Variants in SLMAP observed in about 807,000 individuals in gnomAD.
SLMAP encodes the protein sarcolemmal membrane-associated protein.
Under a neutral mutation model 128.8 loss-of-function variants are expected in SLMAP, and 44 were observed. The ratio of observed to expected loss-of-function variants is 0.34; its 90% CI spans 0.27 to 0.44. The LOEUF (loss-of-function observed/expected upper bound fraction) is 0.44. SLMAP is among the 20% of genes least tolerant of loss of function. The pLI, the probability that SLMAP is intolerant of heterozygous loss-of-function variation, is 1.00. For missense variants in SLMAP, 787 were observed against 985.3 expected, an observed-to-expected ratio of 0.80 and a Z score of 2.69; for synonymous variants, 327 against 348.8, an observed-to-expected ratio of 0.94 and a Z score of 0.70.
chr3:57,791,583 A>T (rs2085467823), intron 2 of SLMAP, among the ~76,000 whole-genome samples: 1 of 152,166 alleles, frequency 6.6e-6, no homozygotes, highest in Non-Finnish European at 1.5e-5. Flanking sequence ...GGGGAAAAAA[A>T]AGTTAAGGTA....
intron 2 of SLMAP, among the ~76,000 whole-genome samples, chr3:57,821,926 C>T (rs1246467973): frequency 4.0e-5 from 6 of 151,744 alleles, no homozygotes; most frequent in Non-Finnish European, 7.4e-5. Context: ...TCCTCCTCCT[C>T]CTCCTCCTCC....
At chr3:57,846,501 A>G (rs1345556118) in intron 4 of SLMAP, among the ~76,000 whole-genome samples, 1 of 151,954 alleles carries the variant, frequency 6.6e-6, no homozygotes, top group Non-Finnish European at 1.5e-5. Context: ...CTGTATAGGA[A>G]TGTTTAATTT....
At chr3:57,762,238 T>C (rs1054722455) in intron 2 of SLMAP, among the ~76,000 whole-genome samples, 1 of 147,368 alleles carries the variant, frequency 6.8e-6, no homozygotes, top group African/African-American at 2.5e-5. Flanking sequence ...CATGGTGGCA[T>C]GTGCCTGCAA....
chr3:57,771,776 T>C (rs1433701473), intron 2 of SLMAP, among the ~76,000 whole-genome samples: 1 of 152,232 alleles, frequency 6.6e-6, no homozygotes, highest in Non-Finnish European at 1.5e-5. Context: ...AAGTAAATTC[T>C]TTTTTGAATG....
chr3:57,892,185 C>A (rs996921345), intron 15 of SLMAP, among the ~76,000 whole-genome samples: 1 of 152,088 alleles, frequency 6.6e-6, no homozygotes, highest in Non-Finnish European at 1.5e-5. Context: ...CATTTTAAAT[C>A]GAGCTATAAA....
chr3:57,855,100 A>G (rs550912819), intron 6 of SLMAP, among the ~76,000 whole-genome samples: 4 of 152,186 alleles, frequency 2.6e-5, no homozygotes, highest in East Asian at 1.9e-4. Flanking sequence ...TATAAAAGAT[A>G]GAAAAAGGCT....
At chr3:57,849,216 A>C (rs1360989786) in intron 5 of SLMAP, among the ~76,000 whole-genome samples, 1 of 152,092 alleles carries the variant, frequency 6.6e-6, no homozygotes, top group East Asian at 1.9e-4. Context: ...CTTTTTAATA[A>C]TGCCATGGTT....
At chr3:57,761,029 GT>G (rs755810231) in intron 2 of SLMAP, among the ~76,000 whole-genome samples, 304 of 139,584 alleles carry the variant, frequency 2.2e-3, no homozygotes, top group Non-Finnish European at 2.3e-3. Flanking sequence ...GCCCGGCCAG[GT>G]TTTTTTTTTT....
rs2095090926 is a variant in SLMAP, at chr3:57,862,015, G to A, written c.895G>A (p.Glu299Lys). The A allele has an allele frequency of 6.2e-7, 1 of 1,601,050 alleles. No individual in the cohort carries two copies. Among genetic ancestry groups the A allele is most frequent in the Non-Finnish European group, 8.6e-7 (1 of 1,168,198 alleles). ...AGAAATGAATGAAAGGACTCAGGAAGAATTAAGAGAATTAGCCAACAAATA... is the reference window on the plus strand; with the variant it reads ...AGAAATGAATGAAAGGACTCAGGAAAAATTAAGAGAATTAGCCAACAAATA... ...LKEMNERTQEELRELANKYNG... is the reference protein window; with the variant it reads ...LKEMNERTQEKLRELANKYNG... The change falls in exon 10 of 25, where the codon GAA becomes AAA. Residue 299 changes from glutamate (E) to lysine (K), a missense_variant. Physicochemically the swap from Glu to Lys is moderately conservative, Grantham distance 56 (BLOSUM62 1). Transcript: ENST00000671191.
intron 21 of SLMAP, among the ~76,000 whole-genome samples, chr3:57,916,549 T>C (rs1212237976): frequency 6.6e-6 from 1 of 152,218 alleles, no homozygotes; most frequent in African/African-American, 2.4e-5. Flanking sequence ...TATTTAAACT[T>C]AAAAGAAATT....
In SLMAP at chr3:57,888,905, G is replaced by GT. The variant is rs373855606; in HGVS notation, c.1301-1127dup. Among the ~76,000 whole-genome samples the GT allele has an allele frequency of 2.0e-3, 297 of 149,338 alleles. 3 individuals are homozygous for GT. In the South Asian group the frequency reaches 0.021, roughly 10 times the overall value. Reference sequence around the variant, plus strand: ...TTTCTGTTTTTTTTTCTTTTTTTCTGTTTTTTTTTGAGATGGAATCTCGCT... The same window carrying GT: ...TTTCTGTTTTTTTTTCTTTTTTTCTGTTTTTTTTTTGAGATGGAATCTCGCT... On this transcript the variant is annotated intron_variant, in intron 14 of 24. Transcript: ENST00000671191.
Position 57,789,940 on chromosome 3 carries a change from G to A in SLMAP, c.198+32091G>A, listed in dbSNP as rs888491876. Among the ~76,000 whole-genome samples the A allele has an allele frequency of 3.7e-4, 57 of 152,172 alleles. 1 individual carries two copies. The highest frequency in any genetic ancestry group is 6.2e-4 in the South Asian group (3 of 4,814). On this transcript the variant is annotated intron_variant, in intron 2 of 24. Transcript: ENST00000671191. The stretch of plus-strand genomic sequence containing the variant: ...CAACCTCCGCCTCCTGGGTTCAAGC[G>A]ATTCTCCTGCCTCAGCCTCCCAAGT...
chr3:57,812,206 T>A (rs2091101807), intron 2 of SLMAP, among the ~76,000 whole-genome samples: 1 of 152,188 alleles, frequency 6.6e-6, no homozygotes, highest in Non-Finnish European at 1.5e-5. Flanking sequence ...TACTTTCAGG[T>A]CTTACATTTA....
At chr3:57,880,906 T>G (rs2095720316) in intron 14 of SLMAP, among the ~76,000 whole-genome samples, 1 of 151,766 alleles carries the variant, frequency 6.6e-6, no homozygotes, top group African/African-American at 2.4e-5. Context: ...AAAAAGAGTT[T>G]TAGGGCTGGG....
intron 19 of SLMAP, 52 bp from the exon 20 acceptor site, chr3:57,912,329 G>A: frequency 6.7e-7 from 1 of 1,502,006 alleles, no homozygotes; most frequent in Non-Finnish European, 9.2e-7. Flanking sequence ...ATCCTGTATG[G>A]ATTATTCTTT....
intron 21 of SLMAP, among the ~76,000 whole-genome samples, chr3:57,913,939 C>G (rs2096754319): frequency 6.6e-6 from 1 of 150,818 alleles, no homozygotes; most frequent in South Asian, 2.1e-4. Context: ...ACCTGGGTGA[C>G]AGAGCCAAAC....
intron 2 of SLMAP, among the ~76,000 whole-genome samples, chr3:57,807,762 T>C (rs2090174082): frequency 6.6e-6 from 1 of 152,306 alleles, no homozygotes; most frequent in East Asian, 1.9e-4. Context: ...AGAGTTTTGG[T>C]ATCAGGATGA....
At chr3:57,793,916 A>G (rs1370071371) in intron 2 of SLMAP, among the ~76,000 whole-genome samples, 2 of 150,710 alleles carry the variant, frequency 1.3e-5, no homozygotes, top group Admixed American at 1.3e-4. Context: ...AAAAAAAAAA[A>G]TCCTGCTGGG....
intron 14 of SLMAP, 77 bp from the exon 15 acceptor site, chr3:57,889,964 G>T (rs1379944566): frequency 4.1e-6 from 4 of 972,762 alleles, no homozygotes; most frequent in Non-Finnish European, 6.6e-6. Flanking sequence ...TTTGGTCATG[G>T]AATGTGTTAC....
Sources: allele counts gnomAD v4.1 joint callset (sites outside exome capture counted in the v4.1 genomes callset), GRCh38; gene constraint gnomAD v4.1.1; transcripts MANE v1.5; gene names NCBI Gene and HGNC (gene_info 2026-07-23, HGNC 2026-07-21).